TMPRSS15: variants seen among roughly 807,000 people sequenced by gnomAD.
TMPRSS15 encodes the protein transmembrane serine protease 15, also known as enteropeptidase.
TMPRSS15 carries 128 observed loss-of-function variants against 125.3 expected under a neutral mutation model. The observed-to-expected ratio is 1.02, with a 90% CI of 0.89 to 1.18. The LOEUF is 1.18. Ranked by LOEUF, TMPRSS15 falls within the 50% of genes most tolerant of loss-of-function variation. The pLI is 0.00. For missense variants in TMPRSS15, 1,283 were observed against 1,212.7 expected (o/e 1.06, Z -0.86); for synonymous variants, 446 against 423.2 (o/e 1.05, Z -0.66).
At chr21:18,431,693 G>A (rs2076216756) in intron 1 of TMPRSS15, among the ~76,000 whole-genome samples, 1 of 151,964 alleles carries the variant, frequency 6.6e-6, no homozygotes, top group Admixed American at 6.6e-5. Flanking sequence ...AATTTAAAAT[G>A]ATTTCTCATA....
intron 5 of TMPRSS15, among the ~76,000 whole-genome samples, chr21:18,372,582 A>G (rs2075802786): frequency 6.6e-6 from 1 of 152,232 alleles, no homozygotes; most frequent in African/African-American, 2.4e-5. Context: ...TCATAAGCTT[A>G]TTATTTGAAA....
intron 1 of TMPRSS15, among the ~76,000 whole-genome samples, chr21:18,399,057 A>G (rs1388083206): frequency 6.6e-6 from 1 of 152,174 alleles, no homozygotes; most frequent in Non-Finnish European, 1.5e-5. Context: ...GCATATTTTC[A>G]TTGACACTGA....
intron 24 of TMPRSS15, among the ~76,000 whole-genome samples, chr21:18,274,354 C>G (rs2074595849): frequency 6.6e-6 from 1 of 152,166 alleles, no homozygotes; most frequent in South Asian, 2.1e-4. Context: ...ATGACTACCC[C>G]ATGCTGTACC....
intron 24 of TMPRSS15, 149 bp from the exon 25 acceptor site, chr21:18,270,273 C>A (rs1262169552): frequency 1.6e-6 from 1 of 633,374 alleles, no homozygotes; most frequent in Non-Finnish European, 2.5e-6. Flanking sequence ...CTCACTTTCA[C>A]TCTAAGTCAG....
intron 24 of TMPRSS15, 126 bp downstream of exon 24, chr21:18,275,071 T>C (rs2074603427): frequency 2.3e-6 from 3 of 1,315,156 alleles, no homozygotes; most frequent in African/African-American, 2.9e-5. Flanking sequence ...AGGCAAAAAG[T>C]AACAGTTTTG....
intron 18 of TMPRSS15, among the ~76,000 whole-genome samples, chr21:18,308,129 A>C (rs1048180221): frequency 3.9e-5 from 6 of 152,042 alleles, no homozygotes; most frequent in Non-Finnish European, 7.4e-5. Context: ...GCTTCCTAGG[A>C]CCTCACCTCT....
intron 23 of TMPRSS15, among the ~76,000 whole-genome samples, chr21:18,276,352 A>T (rs1369596821): frequency 6.6e-6 from 1 of 152,212 alleles, no homozygotes; most frequent in African/African-American, 2.4e-5. Context: ...TTCCACAATG[A>T]TCAATTTCAA....
At chr21:18,461,493 G>A (rs1978550036) in intron 1 of TMPRSS15, among the ~76,000 whole-genome samples, 2 of 151,972 alleles carry the variant, frequency 1.3e-5, no homozygotes, top group African/African-American at 2.4e-5. Context: ...TAAATGCACT[G>A]TATGAATCTT....
intron 8 of TMPRSS15, 72 bp from the exon 9 acceptor site, chr21:18,353,935 A>G (rs1601380383): frequency 2.1e-6 from 3 of 1,434,774 alleles, no homozygotes; most frequent in Non-Finnish European, 2.9e-6. Context: ...CCATCAGTCC[A>G]TCTACTGAAC....
At chr21:18,342,680 G>C (rs1313947819) in intron 12 of TMPRSS15, among the ~76,000 whole-genome samples, 2 of 151,902 alleles carry the variant, frequency 1.3e-5, no homozygotes, top group African/African-American at 4.8e-5. Context: ...AAATTGGAGA[G>C]GAAACGTCCC....
intron 1 of TMPRSS15, among the ~76,000 whole-genome samples, chr21:18,411,824 C>T (rs947410465): frequency 6.6e-6 from 1 of 152,170 alleles, no homozygotes; most frequent in South Asian, 2.1e-4. Context: ...GAATGAAAGG[C>T]ATTATACCAG....
rs1342585372 is a variant in TMPRSS15 at position 18,311,985 on chromosome 21, G to C, written c.2165+960C>G. Among the ~76,000 whole-genome samples, 3 of 152,084 alleles carry C rather than the reference G, an allele frequency of 2.0e-5. No individual in the cohort carries two copies. The East Asian group carries it at 5.8e-4, about 29-fold the overall frequency. On this transcript the variant is annotated intron_variant, in intron 18 of 24. Coordinates refer to ENST00000284885, the MANE Select transcript of TMPRSS15 (RefSeq NM_002772.3). ...CTTTTTAAAGACAAGGATTAGCCTA[G>C]AGTTTAGCATTACAATAATACAAAA...
chr21:18,351,788 A>T (rs1171224057), intron 10 of TMPRSS15, among the ~76,000 whole-genome samples: 1 of 152,186 alleles, frequency 6.6e-6, no homozygotes. Context: ...CCTGAAAAGA[A>T]TACTGTGGTA....
chr21:18,298,615 T>C (rs1296845307), intron 18 of TMPRSS15, among the ~76,000 whole-genome samples: 1 of 152,242 alleles, frequency 6.6e-6, no homozygotes, highest in Non-Finnish European at 1.5e-5. Context: ...TGGAGACTTT[T>C]AGCTTTTAAT....
chr21:18,371,264 T>A lies in TMPRSS15; in HGVS notation c.664+929A>T, dbSNP rs73323997. 9.4e-3 allele frequency among the ~76,000 whole-genome samples: 1,436 copies of A among 152,306 alleles called. 29 individuals are homozygous for A. Among genetic ancestry groups the A allele is most frequent in the African/African-American group, 0.033 (1,355 of 41,574 alleles). On this transcript the variant is annotated intron_variant, in intron 6 of 24. Transcript: ENST00000284885. ...TGATGTGCAATTTTATACTTATACA[T>A]TGTTTATTTCTGGAATTTTCCATTT...
At chr21:18,444,519 G>T (rs7283952) in intron 1 of TMPRSS15, among the ~76,000 whole-genome samples, 14,136 of 152,078 alleles carry the variant, frequency 0.093, 743 homozygotes, top group South Asian at 0.12. Flanking sequence ...AGCATTAAGA[G>T]AAATTCCTAA....
chr21:18,333,896 C>G (rs2075367521), intron 13 of TMPRSS15, among the ~76,000 whole-genome samples: 1 of 152,102 alleles, frequency 6.6e-6, no homozygotes, highest in South Asian at 2.1e-4. Context: ...GTATCTAATT[C>G]TTGTTACCAT....
chr21:18,307,752 C>T (rs2075052854), intron 18 of TMPRSS15, among the ~76,000 whole-genome samples: 1 of 152,132 alleles, frequency 6.6e-6, no homozygotes, highest in Non-Finnish European at 1.5e-5. Flanking sequence ...ATGTAGGGAT[C>T]CACATTTTGC....
At chr21:18,430,073 A>C (rs2076213187) in intron 1 of TMPRSS15, among the ~76,000 whole-genome samples, 1 of 152,208 alleles carries the variant, frequency 6.6e-6, no homozygotes, top group Non-Finnish European at 1.5e-5. Context: ...GTTAGCACTT[A>C]TCACCTTTTC....
Sources: gnomAD v4.1 joint callset for allele counts (sites outside exome capture counted in the v4.1 genomes callset) on GRCh38, gnomAD v4.1.1 for gene constraint, MANE v1.5 for transcripts, NCBI Gene and HGNC (gene_info 2026-07-23, HGNC 2026-07-21) for gene names.